FRMPD4: variants seen among roughly 807,000 people sequenced by gnomAD.
FRMPD4 encodes the protein FERM and PDZ domain-containing protein 4.
Under a neutral mutation model 94.1 loss-of-function variants are expected in FRMPD4, and 22 were observed. That is an observed-to-expected ratio of 0.23 (90% CI 0.17 to 0.33). The LOEUF (loss-of-function observed/expected upper bound fraction) is 0.33, where lower values mean the gene tolerates loss of function less well. FRMPD4 is among the 10% of genes least tolerant of loss of function. The pLI, the probability that FRMPD4 is intolerant of heterozygous loss-of-function variation, is 1.00. For missense variants in FRMPD4, 1,111 were observed against 1,339.9 expected, an observed-to-expected ratio of 0.83 and a Z score of 2.67; for synonymous variants, 631 against 548.6, an observed-to-expected ratio of 1.15 and a Z score of -2.10.
intron 2 of FRMPD4, among the ~76,000 whole-genome samples, chrX:12,582,010 G>A (rs768849181): frequency 4.5e-5 from 5 of 112,301 alleles, no homozygotes; most frequent in African/African-American, 1.6e-4. Context: ...TCACTAGAAT[G>A]TAAGTTCCCA....
At chrX:12,619,746 G>A (rs1028290832) in intron 4 of FRMPD4, among the ~76,000 whole-genome samples, 2 of 112,153 alleles carry the variant, frequency 1.8e-5, no homozygotes, top group African/African-American at 6.5e-5. Flanking sequence ...AGTGGCTTGT[G>A]ACCAAGCTCC....
intron 2 of FRMPD4, among the ~76,000 whole-genome samples, chrX:12,553,305 T>C (rs2058557561): frequency 9.3e-6 from 1 of 107,828 alleles, no homozygotes; most frequent in Non-Finnish European, 1.9e-5. Flanking sequence ...TTGCCAATGG[T>C]ATATAGAAGT....
intron 2 of FRMPD4, among the ~76,000 whole-genome samples, chrX:12,568,714 A>T (rs1159071950): frequency 8.9e-6 from 1 of 112,270 alleles, no homozygotes; most frequent in African/African-American, 3.2e-5. Context: ...CTCCTAAAGC[A>T]TCTTTTACTT....
chrX:11,836,954 A>G (rs756517004), intron 1 of FRMPD4, among the ~76,000 whole-genome samples: 40 of 112,285 alleles, frequency 3.6e-4, no homozygotes, highest in African/African-American at 1.1e-3. Context: ...CAAAGTGAAA[A>G]GTCAAAATCT....
intron 3 of FRMPD4, among the ~76,000 whole-genome samples, chrX:11,900,981 C>A (rs774866870): frequency 9.3e-4 from 103 of 111,312 alleles, no homozygotes; most frequent in African/African-American, 3.2e-3. Context: ...TTTTCTCTCC[C>A]ACCCTTCACC....
At chrX:12,642,070 GA>G (rs148095310) in intron 4 of FRMPD4, among the ~76,000 whole-genome samples, 45 of 30,078 alleles carry the variant, frequency 1.5e-3, no homozygotes, top group Non-Finnish European at 2.2e-3. Flanking sequence ...GTTCATAGAG[GA>G]AAAAAAAAAG....
chrX:12,638,091 C>A (rs2059459211), intron 4 of FRMPD4, among the ~76,000 whole-genome samples: 1 of 111,978 alleles, frequency 8.9e-6, no homozygotes, highest in Non-Finnish European at 1.9e-5. Context: ...GATCCCTCTC[C>A]ATTCTTAGAA....
At chrX:12,118,964 A>G (rs1695216260) in intron 3 of FRMPD4, among the ~76,000 whole-genome samples, 1 of 111,227 alleles carries the variant, frequency 9.0e-6, no homozygotes, top group Admixed American at 9.5e-5. Context: ...AAGGACTCCC[A>G]GATACATGAC....
chrX:11,978,710 C>T (rs151205023), intron 3 of FRMPD4, among the ~76,000 whole-genome samples: 28 of 111,589 alleles, frequency 2.5e-4, no homozygotes, highest in African/African-American at 8.5e-4. Flanking sequence ...AAATCATGCC[C>T]GACAATACAA....
intron 1 of FRMPD4, among the ~76,000 whole-genome samples, chrX:12,209,777 C>G (rs1213848017): frequency 8.9e-6 from 1 of 112,067 alleles, no homozygotes; most frequent in Non-Finnish European, 1.9e-5. Flanking sequence ...GGATAAAAAT[C>G]CTTGCTAGTA....
intron 3 of FRMPD4, among the ~76,000 whole-genome samples, chrX:11,955,191 C>T (rs1476250728): frequency 1.8e-5 from 2 of 111,206 alleles, no homozygotes; most frequent in Non-Finnish European, 3.8e-5. Flanking sequence ...GCTGCACTCT[C>T]ATGACCTAAC....
intron 1 of FRMPD4, among the ~76,000 whole-genome samples, chrX:12,198,144 C>T (rs1207270502): frequency 8.9e-6 from 1 of 111,888 alleles, no homozygotes; most frequent in African/African-American, 3.2e-5. Context: ...TTTACTCCAT[C>T]ATTTCTGTAC....
intron 3 of FRMPD4, among the ~76,000 whole-genome samples, chrX:11,921,014 T>A (rs2054052713): frequency 8.9e-6 from 1 of 112,086 alleles, no homozygotes; most frequent in Admixed American, 9.4e-5. Context: ...ATGTGGTAAA[T>A]GGTTTAATTG....
chrX:12,691,283 GTTTT>G (rs1198859024), intron 8 of FRMPD4, among the ~76,000 whole-genome samples: 2 of 109,639 alleles, frequency 1.8e-5, no homozygotes, highest in Non-Finnish European at 3.8e-5. Flanking sequence ...GTTTTGTTTT[GTTTT>G]GTTTTGTTTT....
chrX:12,069,910 G>C (rs1340197334), intron 3 of FRMPD4, among the ~76,000 whole-genome samples: 1 of 110,150 alleles, frequency 9.1e-6, no homozygotes, highest in Non-Finnish European at 1.9e-5. Context: ...TAGTCTGGTG[G>C]AATGATGGAG....
intron 3 of FRMPD4, among the ~76,000 whole-genome samples, chrX:12,025,247 G>A (rs1210615435): frequency 3.8e-5 from 4 of 106,469 alleles, no homozygotes; most frequent in Non-Finnish European, 7.7e-5. Context: ...TTATTTATGT[G>A]ACTTTAAATA....
chrX:12,130,146 G>A (rs781518277), intron 3 of FRMPD4, among the ~76,000 whole-genome samples: 15 of 109,188 alleles, frequency 1.4e-4, no homozygotes, highest in South Asian at 8.5e-4. Context: ...AGGTGGAGGC[G>A]TAAGGGGGTG....
chrX:12,456,322 C>G (rs1426575519), intron 1 of FRMPD4, among the ~76,000 whole-genome samples: 2 of 111,179 alleles, frequency 1.8e-5, no homozygotes, highest in Non-Finnish European at 3.8e-5. Context: ...TCTCTTTATA[C>G]CTTCATTTAG....
At chrX:12,594,353 C>G (rs2059009145) in intron 2 of FRMPD4, among the ~76,000 whole-genome samples, 1 of 111,959 alleles carries the variant, frequency 8.9e-6, no homozygotes, top group African/African-American at 3.2e-5. Context: ...ATACAGGAAA[C>G]TTGGTGTATG....
Sources: allele counts gnomAD v4.1 joint callset (sites outside exome capture counted in the v4.1 genomes callset), GRCh38; gene constraint gnomAD v4.1.1; transcripts MANE v1.5; gene names NCBI Gene and HGNC (gene_info 2026-07-23, HGNC 2026-07-21).